DCDC2: variants seen among roughly 807,000 people sequenced by gnomAD.
DCDC2 encodes doublecortin domain containing 2.
In DCDC2, 40 loss-of-function variants were observed where a neutral mutation model predicts 50.2. That is an observed-to-expected ratio of 0.80 (90% CI 0.62 to 1.04). DCDC2 has a LOEUF of 1.04. Among genes scored for constraint, DCDC2 ranks in the 50% least tolerant of loss-of-function variants. The pLI is 0.00. For missense variants in DCDC2, 570 were observed against 581.9 expected, an observed-to-expected ratio of 0.98 and a Z score of 0.21; for synonymous variants, 234 against 210.6, an observed-to-expected ratio of 1.11 and a Z score of -0.96.
intron 7 of DCDC2, among the ~76,000 whole-genome samples, chr6:24,228,542 T>G (rs1046280513): frequency 6.6e-6 from 1 of 152,242 alleles, no homozygotes; most frequent in African/African-American, 2.4e-5. Context: ...AAGATTTTTC[T>G]AATGCATTTT....
chr6:24,249,459 G>A (rs1762753270), intron 7 of DCDC2, among the ~76,000 whole-genome samples: 1 of 152,118 alleles, frequency 6.6e-6, no homozygotes, highest in Non-Finnish European at 1.5e-5. Flanking sequence ...CCCCAGCTTT[G>A]CTCACAGCTG....
chr6:24,242,456 A>G (rs1018396811), intron 7 of DCDC2, among the ~76,000 whole-genome samples: 1 of 152,098 alleles, frequency 6.6e-6, no homozygotes, highest in Non-Finnish European at 1.5e-5. Context: ...GAGAAGGTTT[A>G]TTTCAGCATT....
At chr6:24,280,905 C>T (rs1370305803) in intron 6 of DCDC2, among the ~76,000 whole-genome samples, 2 of 152,078 alleles carry the variant, frequency 1.3e-5, no homozygotes, top group East Asian at 3.9e-4. Context: ...AGCAAGCTTA[C>T]TAGAATGTTC....
chr6:24,373,976 C>T, the DCDC2 span, among the ~76,000 whole-genome samples: 1 of 151,766 alleles, frequency 6.6e-6, no homozygotes. Flanking sequence ...TCCTGGCTAA[C>T]ACAGTGAAAC....
At chr6:24,244,269 C>G (rs535619088) in intron 7 of DCDC2, among the ~76,000 whole-genome samples, 20 of 152,236 alleles carry the variant, frequency 1.3e-4, no homozygotes, top group African/African-American at 4.8e-4. Flanking sequence ...TCTAACAGTT[C>G]AAATGAAAAT....
At chr6:24,371,277 AAAAAAAAAAAAAAAAAG>A in the DCDC2 span, among the ~76,000 whole-genome samples, 1 of 3,360 alleles carries the variant, frequency 3.0e-4, no homozygotes, top group Non-Finnish European at 1.4e-3. Flanking sequence ...ACTCCATCTC[AAAAAAAAAAAAAAAAAG>A]AAAAGAAAAG....
At chr6:24,182,210 T>C (rs144683653) in intron 8 of DCDC2, among the ~76,000 whole-genome samples, 136 of 152,238 alleles carry the variant, frequency 8.9e-4, no homozygotes, top group Non-Finnish European at 1.5e-3. Context: ...ATATAACTCT[T>C]AGAGGAAAAC....
chr6:24,226,114 T>A (rs1762229337), intron 7 of DCDC2, among the ~76,000 whole-genome samples: 1 of 152,156 alleles, frequency 6.6e-6, no homozygotes, highest in South Asian at 2.1e-4. Context: ...CCACAGTGGA[T>A]TTATATTTTA....
chr6:24,325,996 G>A lies in DCDC2; in HGVS notation c.349-23952C>T, dbSNP rs1462048905. Among the ~76,000 whole-genome samples the A allele has an allele frequency of 2.0e-5, 3 of 148,710 alleles. 1 individual carries two copies. Among genetic ancestry groups the A allele is most frequent in the Non-Finnish European group, 4.5e-5 (3 of 67,072 alleles). On this transcript the variant is annotated intron_variant, in intron 2 of 9. Transcript: ENST00000378454. ...GTTGAATCCCAGACCACAAACTACT[G>A]TAATTTTTCTTTATTATCAACATAT... is the stretch of plus-strand genomic sequence containing the variant.
intron 8 of DCDC2, among the ~76,000 whole-genome samples, chr6:24,202,762 A>T (rs553903734): frequency 6.6e-6 from 1 of 152,324 alleles, no homozygotes; most frequent in East Asian, 1.9e-4. Context: ...AAATCTCCTT[A>T]AGCTGATAAG....
At chr6:24,293,188 A>T (rs559139023) in intron 4 of DCDC2, among the ~76,000 whole-genome samples, 24 of 152,294 alleles carry the variant, frequency 1.6e-4, no homozygotes, top group Admixed American at 1.4e-3. Context: ...GATCCTCCCA[A>T]GGTGCTGGGA....
At chr6:24,365,285 G>A in the DCDC2 span, among the ~76,000 whole-genome samples, 2 of 152,128 alleles carry the variant, frequency 1.3e-5, no homozygotes, top group Non-Finnish European at 2.9e-5. Flanking sequence ...GCCTCACCTA[G>A]GTTTAGAGCT....
intron 7 of DCDC2, among the ~76,000 whole-genome samples, chr6:24,209,098 T>C (rs1761797495): frequency 6.6e-6 from 1 of 152,190 alleles, no homozygotes; most frequent in African/African-American, 2.4e-5. Context: ...TAAGAATATG[T>C]TTCCCCTCTG....
In DCDC2 at chr6:24,253,197, T is replaced by C. The variant is rs115986722; in HGVS notation, c.922+24852A>G. Among the ~76,000 whole-genome samples, 1,326 of 151,896 alleles carry C rather than the reference T, an allele frequency of 8.7e-3. 9 individuals are homozygous for C. Among genetic ancestry groups the C allele is most frequent in the Middle Eastern group, 0.021 (6 of 292 alleles). ...AATAAATATAAGGGTAGAGATTAAA[T>C]GAAAAATAAAACGAATGTACAATAG... is the stretch of plus-strand genomic sequence containing the variant. On this transcript the variant is annotated intron_variant, in intron 7 of 9. Transcript: ENST00000378454.
At chr6:24,230,357 G>C (rs981618628) in intron 7 of DCDC2, among the ~76,000 whole-genome samples, 2 of 152,048 alleles carry the variant, frequency 1.3e-5, no homozygotes, top group Non-Finnish European at 2.9e-5. Flanking sequence ...ATAAAGACTC[G>C]AGAGCCAGGT....
At chr6:24,225,735 C>T (rs1762220046) in intron 7 of DCDC2, among the ~76,000 whole-genome samples, 1 of 152,102 alleles carries the variant, frequency 6.6e-6, no homozygotes, top group Admixed American at 6.5e-5. Context: ...AATATAATGT[C>T]CTGAGACTAT....
At chr6:24,365,992 A>G in the DCDC2 span, among the ~76,000 whole-genome samples, 4 of 151,742 alleles carry the variant, frequency 2.6e-5, no homozygotes, top group Non-Finnish European at 4.4e-5. Context: ...TAATTTTTGT[A>G]TTTTTAGTAG....
chr6:24,262,229 C>G (rs1109332), intron 7 of DCDC2, among the ~76,000 whole-genome samples: 13,956 of 151,442 alleles, frequency 0.092, 803 homozygotes, highest in East Asian at 0.17. Context: ...TCACTGCTGC[C>G]TTGTCACAGC....
upstream of DCDC2, among the ~76,000 whole-genome samples, chr6:24,362,501 TA>T (rs1240274224): frequency 9.0e-6 from 1 of 111,594 alleles, no homozygotes; most frequent in Non-Finnish European, 1.9e-5. Context: ...TGTATATTTA[TA>T]CAATTATTTT....
Sources: gnomAD v4.1 joint callset for allele counts (sites outside exome capture counted in the v4.1 genomes callset) on GRCh38, gnomAD v4.1.1 for gene constraint, MANE v1.5 for transcripts, NCBI Gene and HGNC (gene_info 2026-07-23, HGNC 2026-07-21) for gene names.